The following OTOA variants were observed in gnomAD, a reference collection of about 807,000 sequenced individuals.
The protein encoded by OTOA is otoancorin, also known as cancer/testis antigen 108.
Under a neutral mutation model 110.8 loss-of-function variants are expected in OTOA, and 70 were observed. The observed-to-expected ratio is 0.63, with a 90% CI of 0.52 to 0.77. The LOEUF (loss-of-function observed/expected upper bound fraction) is 0.77, where lower values mean the gene tolerates loss of function less well. Among genes scored for constraint, OTOA ranks in the 30% least tolerant of loss-of-function variants. The probability of loss-of-function intolerance (pLI) is 0.00; values close to 1 mark genes in which losing one functional copy is unlikely to be tolerated. For missense variants in OTOA, 917 were observed against 1,075.8 expected, an observed-to-expected ratio of 0.85 and a Z score of 2.06; for synonymous variants, 373 against 431.5, an observed-to-expected ratio of 0.86 and a Z score of 1.68.
At chr16:21,718,601 T>C (rs1003049822) in intron 15 of OTOA, among the ~76,000 whole-genome samples, 1 of 152,162 alleles carries the variant, frequency 6.6e-6, no homozygotes, top group Non-Finnish European at 1.5e-5. Flanking sequence ...AAGTTAGGGA[T>C]TCTGTAAAAT....
intron 12 of OTOA, among the ~76,000 whole-genome samples, chr16:21,706,687 G>A (rs541533373): frequency 6.6e-6 from 1 of 151,684 alleles, no homozygotes; most frequent in South Asian, 2.1e-4. Flanking sequence ...AAATCGAAAC[G>A]ATGACATGAA....
rs114831689 is a variant in OTOA at position 21,711,429 on chromosome 16, G to T, written c.1320+1326G>T. ...CCCTGGGTTGGGTCCAGTCCAGAGG[G>T]CTCCAAATCTGGGAGACTTGAGTTC... On this transcript the variant is annotated intron_variant, in intron 13 of 28. Transcript: ENST00000646100. 9.6e-3 allele frequency among the ~76,000 whole-genome samples: 1,467 copies of T among 152,210 alleles called. 23 individuals are homozygous for T. Among genetic ancestry groups the T allele is most frequent in the African/African-American group, 0.033 (1,383 of 41,520 alleles).
At chr16:21,726,680 G>A (rs1453925320) in intron 19 of OTOA, 22 bp downstream of exon 19, 1 of 1,613,786 alleles carries the variant, frequency 6.2e-7, no homozygotes. Context: ...CTTCCTGGGT[G>A]TCCCCTCCCT....
chr16:21,700,367 C>A (rs1420996508), intron 10 of OTOA, among the ~76,000 whole-genome samples: 1 of 152,070 alleles, frequency 6.6e-6, no homozygotes, highest in African/African-American at 2.4e-5. Context: ...AAAAATAATT[C>A]TTTCCTAAAG....
intron 17 of OTOA, among the ~76,000 whole-genome samples, chr16:21,722,640 A>G (rs945081956): frequency 2.0e-5 from 3 of 152,150 alleles, no homozygotes; most frequent in African/African-American, 7.2e-5. Flanking sequence ...CTGCTGAGGA[A>G]CATTAAAATT....
At chr16:21,734,379 A>G (rs466190) in intron 21 of OTOA, among the ~76,000 whole-genome samples, 13,249 of 138,270 alleles carry the variant, frequency 0.096, 998 homozygotes, top group East Asian at 0.22. Flanking sequence ...GGAGAGTGAA[A>G]GGTGGGAGGA....
At chr16:21,757,715 C>T (rs1452433499) in intron 28 of OTOA, among the ~76,000 whole-genome samples, 2 of 151,990 alleles carry the variant, frequency 1.3e-5, no homozygotes, top group African/African-American at 4.8e-5. Context: ...ACCTCCCAGG[C>T]TCAAGCGATC....
rs544059889 is a variant in OTOA at position 21,670,049 on chromosome 16, C to T, written c.-5+5817C>T. On this transcript the variant is annotated intron_variant, in intron 1 of 28. Transcript: ENST00000646100. ...GCTGAGGCAGGAGAATCACTTGAGC[C>T]GGGGAGGCAGAGGTTGCAGTGAGCT... Among the ~76,000 whole-genome samples the T allele has an allele frequency of 3.2e-3, 486 of 152,048 alleles. 2 individuals carry two copies. Among genetic ancestry groups the T allele is most frequent in the African/African-American group, 0.011 (450 of 41,450 alleles).
At chr16:21,668,451 GTTTC>G (rs1397728231) in intron 1 of OTOA, among the ~76,000 whole-genome samples, 4 of 134,206 alleles carry the variant, frequency 3.0e-5, no homozygotes, top group East Asian at 2.1e-4. Flanking sequence ...TGTTTGCTTT[GTTTC>G]TTTCTTTTTT....
Position 21,687,656 on chromosome 16 carries a change from G to A in OTOA, c.635+8G>A, listed in dbSNP as rs1897745767. The stretch of plus-strand genomic sequence containing the variant: ...GGATGCCTTTAAGAACCTGTGAGTG[G>A]TTCCTCCGAACTTTTTTTTTTTTTT... On this transcript the variant is annotated splice_region_variant and intron_variant, in intron 8 of 28. Coordinates refer to ENST00000646100, the MANE Select transcript of OTOA (RefSeq NM_144672.4). 6.3e-7 allele frequency: 1 copy of A among 1,592,314 alleles called. No homozygotes were observed.
intron 6 of OTOA, among the ~76,000 whole-genome samples, chr16:21,682,292 G>A (rs1966906369): frequency 6.6e-6 from 1 of 152,182 alleles, no homozygotes; most frequent in Admixed American, 6.5e-5. Context: ...GGAAGAAGAA[G>A]ACAAGGGTAG....
At position 21,696,118 on chromosome 16, in the gene OTOA, C is replaced by A. The variant is rs897174592; in HGVS notation, c.740-1657C>A. On this transcript the variant is annotated intron_variant, in intron 9 of 28. Coordinates refer to ENST00000646100, the MANE Select transcript of OTOA (RefSeq NM_144672.4). ...CCATGTTGACCAGTATGCTCTCGAT[C>A]TCCTGACCTTGTGATCCACCTGCCT... is the stretch of plus-strand genomic sequence containing the variant. Among the ~76,000 whole-genome samples, 6 of 151,740 alleles carry A rather than the reference C, an allele frequency of 4.0e-5. No individual in the cohort carries two copies. The East Asian group carries it at 7.7e-4, about 20-fold the overall frequency.
At chr16:21,716,879 T>C (rs1466890620) in intron 14 of OTOA, 28 bp from the exon 15 acceptor site, 2 of 1,613,252 alleles carry the variant, frequency 1.2e-6, no homozygotes, top group South Asian at 1.1e-5. Flanking sequence ...TTTTACAATG[T>C]TGTTTTGTTG....
intron 8 of OTOA, 123 bp downstream of exon 8, chr16:21,687,771 G>A: frequency 3.5e-6 from 3 of 853,932 alleles, no homozygotes; most frequent in Non-Finnish European, 3.7e-6. Context: ...AGGTTCAAGT[G>A]ATTCTCCTGC....
intron 17 of OTOA, chr16:21,721,443 A>G: frequency 2.2e-6 from 1 of 456,136 alleles, no homozygotes; most frequent in South Asian, 1.5e-5. Context: ...GGTAGAGGCC[A>G]GGGGTGGAGC....
intron 7 of OTOA, among the ~76,000 whole-genome samples, chr16:21,686,657 C>T (rs2141660197): frequency 6.6e-6 from 1 of 152,186 alleles, no homozygotes; most frequent in South Asian, 2.1e-4. Flanking sequence ...GTAACCCTAG[C>T]ACTTTGGGAG....
chr16:21,694,312 C>T (rs1897890349), intron 9 of OTOA, among the ~76,000 whole-genome samples: 1 of 152,016 alleles, frequency 6.6e-6, no homozygotes, highest in Non-Finnish European at 1.5e-5. Flanking sequence ...TGTCCTGGTA[C>T]ATGCCTGTAG....
chr16:21,722,853 G>A (rs1898799604), intron 17 of OTOA, 52 bp from the exon 18 acceptor site: 1 of 1,524,272 alleles, frequency 6.6e-7, no homozygotes, highest in Non-Finnish European at 9.1e-7. Context: ...AAAGCACTGT[G>A]TTTGTTCTTC....
At chr16:21,690,211 G>T (rs1897800419) in intron 8 of OTOA, among the ~76,000 whole-genome samples, 1 of 152,008 alleles carries the variant, frequency 6.6e-6, no homozygotes, top group Admixed American at 6.6e-5. Context: ...TAAGTTCTGG[G>T]GTACACGTGC....
Sources: allele counts gnomAD v4.1 joint callset (sites outside exome capture counted in the v4.1 genomes callset), GRCh38; gene constraint gnomAD v4.1.1; transcripts MANE v1.5; gene names NCBI Gene and HGNC (gene_info 2026-07-23, HGNC 2026-07-21).